Variants in MGAT4C observed in about 807,000 individuals in gnomAD.
The protein encoded by MGAT4C is MGAT4 family member C, also known as alpha-1,3-mannosyl-glycoprotein 4-beta-N-acetylglucosaminyltransferase C.
MGAT4C carries 19 observed loss-of-function variants against 40.1 expected under a neutral mutation model. That is an observed-to-expected ratio of 0.47 (90% CI 0.33 to 0.70). MGAT4C has a LOEUF of 0.70. Ranked by LOEUF, MGAT4C falls within the 30% of genes least tolerant of loss-of-function variation. The pLI, the probability that MGAT4C is intolerant of heterozygous loss-of-function variation, is 0.02. For synonymous variants in MGAT4C, 181 were observed against 187.1 expected (o/e 0.97, Z 0.27); for missense variants, 491 against 563.2 (o/e 0.87, Z 1.30).
chr12:86,446,070 TG>T (rs1345763971), intron 2 of MGAT4C, among the ~76,000 whole-genome samples: 1 of 152,132 alleles, frequency 6.6e-6, no homozygotes, highest in East Asian at 1.9e-4. Flanking sequence ...TGTATGTGTG[TG>T]TCTGTATATA....
chr12:86,044,748 C>A (rs1335581567), intron 2 of MGAT4C, among the ~76,000 whole-genome samples: 2 of 152,098 alleles, frequency 1.3e-5, no homozygotes, highest in Non-Finnish European at 2.9e-5. Context: ...CCATCACTTG[C>A]ACTGCAAGTG....
At chr12:86,084,496 C>T (rs1592892021) in intron 1 of MGAT4C, among the ~76,000 whole-genome samples, 1 of 151,672 alleles carries the variant, frequency 6.6e-6, no homozygotes, top group South Asian at 2.1e-4. Flanking sequence ...CACTTAATTG[C>T]CTTTTTGCCA....
At chr12:86,467,767 T>A (rs2136300922) in intron 2 of MGAT4C, among the ~76,000 whole-genome samples, 1 of 152,268 alleles carries the variant, frequency 6.6e-6, no homozygotes, top group Admixed American at 6.5e-5. Context: ...TTTATCTTTT[T>A]TACTCTCTTT....
intron 1 of MGAT4C, among the ~76,000 whole-genome samples, chr12:86,750,590 C>T (rs1376123335): frequency 6.6e-6 from 1 of 151,774 alleles, no homozygotes; most frequent in Non-Finnish European, 1.5e-5. Flanking sequence ...GAAAATATTA[C>T]ATTTGGGAAG....
chr12:86,285,401 A>C (rs77476184), intron 4 of MGAT4C, among the ~76,000 whole-genome samples: 12,960 of 152,134 alleles, frequency 0.085, 772 homozygotes, highest in Middle Eastern at 0.22. Context: ...GCTTGTAATA[A>C]AAATCAATAT....
chr12:86,806,095 T>C (rs902482059), intron 1 of MGAT4C, among the ~76,000 whole-genome samples: 2 of 151,912 alleles, frequency 1.3e-5, no homozygotes, highest in African/African-American at 4.8e-5. Context: ...GTCCTTAAAA[T>C]TATTTTTGTA....
chr12:86,520,061 T>G (rs1390901006), intron 2 of MGAT4C, among the ~76,000 whole-genome samples: 2 of 152,172 alleles, frequency 1.3e-5, no homozygotes, highest in African/African-American at 4.8e-5. Flanking sequence ...ATGTATTTCT[T>G]TTTAATTTAA....
At chr12:86,107,083 A>G (rs1028129177) in intron 1 of MGAT4C, among the ~76,000 whole-genome samples, 4 of 152,158 alleles carry the variant, frequency 2.6e-5, no homozygotes, top group Admixed American at 1.3e-4. Flanking sequence ...AAAATGAAAA[A>G]GCTAAAAAAA....
chr12:86,264,360 A>G (rs1592614052), intron 4 of MGAT4C, among the ~76,000 whole-genome samples: 1 of 152,046 alleles, frequency 6.6e-6, no homozygotes, highest in Middle Eastern at 3.4e-3. Context: ...ATATGGTGAG[A>G]GATAGGGGAT....
At chr12:86,069,038 C>G (rs180744871) in intron 1 of MGAT4C, among the ~76,000 whole-genome samples, 3 of 152,118 alleles carry the variant, frequency 2.0e-5, no homozygotes, top group Non-Finnish European at 4.4e-5. Context: ...GGTTTGTCCT[C>G]ATTTCTGTCT....
intron 2 of MGAT4C, among the ~76,000 whole-genome samples, chr12:86,449,021 T>C (rs1331630588): frequency 6.6e-6 from 1 of 152,164 alleles, no homozygotes; most frequent in Non-Finnish European, 1.5e-5. Context: ...TTACAAGATC[T>C]CTTGTCACTG....
At chr12:86,668,071 T>A (rs984062307) in intron 2 of MGAT4C, among the ~76,000 whole-genome samples, 1 of 152,226 alleles carries the variant, frequency 6.6e-6, no homozygotes, top group Non-Finnish European at 1.5e-5. Context: ...ATTACATTGA[T>A]AGATTGTGCA....
intron 2 of MGAT4C, among the ~76,000 whole-genome samples, chr12:86,486,182 T>C (rs1047533848): frequency 3.3e-5 from 5 of 151,968 alleles, no homozygotes; most frequent in Non-Finnish European, 7.4e-5. Context: ...CCAAACAACA[T>C]GATGACAGGA....
At chr12:86,651,081 T>C (rs1402929800) in intron 2 of MGAT4C, among the ~76,000 whole-genome samples, 1 of 151,896 alleles carries the variant, frequency 6.6e-6, no homozygotes, top group Non-Finnish European at 1.5e-5. Flanking sequence ...TTAGCTATAA[T>C]TTATAAAGTG....
intron 2 of MGAT4C, among the ~76,000 whole-genome samples, chr12:86,472,723 G>A (rs1957773616): frequency 6.6e-6 from 1 of 152,026 alleles, no homozygotes; most frequent in South Asian, 2.1e-4. Flanking sequence ...GCATTTTCAA[G>A]TTTTGTATTA....
At chr12:86,227,809 G>A (rs1260209086) in intron 1 of MGAT4C, among the ~76,000 whole-genome samples, 2 of 151,854 alleles carry the variant, frequency 1.3e-5, no homozygotes, top group Non-Finnish European at 2.9e-5. Context: ...GATGGCAGAA[G>A]AGAAGAATAT....
intron 1 of MGAT4C, among the ~76,000 whole-genome samples, chr12:86,238,227 T>C (rs780386506): frequency 3.9e-5 from 6 of 151,982 alleles, no homozygotes; most frequent in Non-Finnish European, 7.4e-5. Context: ...TGTCAGTACA[T>C]TGCATAGTCA....
chr12:86,810,955 T>C (rs964270182), intron 1 of MGAT4C, among the ~76,000 whole-genome samples: 8 of 149,748 alleles, frequency 5.3e-5, no homozygotes, highest in Non-Finnish European at 1.2e-4. Flanking sequence ...TTGCTCTGAG[T>C]TTAATTTGCT....
chr12:86,327,801 C>T (rs542553965), intron 4 of MGAT4C, among the ~76,000 whole-genome samples: 7 of 152,218 alleles, frequency 4.6e-5, no homozygotes, highest in Middle Eastern at 3.4e-3. Context: ...CTCCATCTTT[C>T]ATAATTTGCA....
Sources: gnomAD v4.1 joint callset for allele counts (sites outside exome capture counted in the v4.1 genomes callset) on GRCh38, gnomAD v4.1.1 for gene constraint, MANE v1.5 for transcripts, NCBI Gene and HGNC (gene_info 2026-07-23, HGNC 2026-07-21) for gene names.